Variants in ATP8A2 observed in about 807,000 individuals in gnomAD.
ATP8A2 encodes ATPase phospholipid transporting 8A2, also known as phospholipid-transporting ATPase IB.
ATP8A2 carries 100 observed loss-of-function variants against 165.6 expected under a neutral mutation model. The observed-to-expected ratio is 0.60, with a 90% CI of 0.51 to 0.71. ATP8A2 has a LOEUF of 0.71. Among genes scored for constraint, ATP8A2 ranks in the 30% least tolerant of loss-of-function variants. ATP8A2 has a pLI of 0.00. For missense variants in ATP8A2, 1,227 were observed against 1,479.5 expected, an observed-to-expected ratio of 0.83 and a Z score of 2.80; for synonymous variants, 543 against 548.8, an observed-to-expected ratio of 0.99 and a Z score of 0.15.
intron 28 of ATP8A2, 95 bp downstream of exon 28, chr13:25,828,287 A>G: frequency 9.6e-7 from 1 of 1,040,426 alleles, no homozygotes; most frequent in Non-Finnish European, 1.5e-6. Flanking sequence ...ATCTGAGTCA[A>G]TCATCTGTAT....
intron 33 of ATP8A2, among the ~76,000 whole-genome samples, chr13:25,866,263 C>T (rs540565306): frequency 6.6e-6 from 1 of 152,276 alleles, no homozygotes; most frequent in South Asian, 2.1e-4. Context: ...ATTGGCAAAT[C>T]ATTTTACTTG....
At chr13:25,830,262 C>G (rs1229071977) in intron 28 of ATP8A2, among the ~76,000 whole-genome samples, 1 of 152,022 alleles carries the variant, frequency 6.6e-6, no homozygotes, top group Non-Finnish European at 1.5e-5. Flanking sequence ...GTCCTCCCTC[C>G]TAGGCCTCCC....
chr13:25,738,340 T>TCC (rs55875449), intron 25 of ATP8A2, among the ~76,000 whole-genome samples: 82 of 99,264 alleles, frequency 8.3e-4, no homozygotes, highest in African/African-American at 1.9e-3. Flanking sequence ...TGTGCCCCCC[T>TCC]CCCCCCCCCC....
chr13:25,659,871 G>C (rs1210482823), intron 24 of ATP8A2, among the ~76,000 whole-genome samples: 1 of 152,118 alleles, frequency 6.6e-6, no homozygotes, highest in Non-Finnish European at 1.5e-5. Context: ...ATTTTTGGGA[G>C]AGTGACCTTC....
chr13:25,793,542 A>G lies in ATP8A2; in HGVS notation c.2679+18583A>G, dbSNP rs564136456. Among the ~76,000 whole-genome samples the G allele has an allele frequency of 5.5e-4, 84 of 152,306 alleles. 1 individual carries two copies. The highest frequency in any genetic ancestry group is 2.0e-3 in the African/African-American group (82 of 41,572). On this transcript the variant is annotated intron_variant, in intron 27 of 36. Transcript: ENST00000381655. ...TTGTGCAAATGTGTGTATGTGTATT[A>G]TACACACATGTATGTAGAAGTACAT...
At chr13:25,584,738 T>C (rs914547034) in intron 23 of ATP8A2, among the ~76,000 whole-genome samples, 4 of 152,202 alleles carry the variant, frequency 2.6e-5, no homozygotes, top group African/African-American at 7.2e-5. Flanking sequence ...TTGCAAAAAA[T>C]GCTTTCTGAA....
intron 25 of ATP8A2, among the ~76,000 whole-genome samples, chr13:25,762,072 G>A (rs1187878184): frequency 6.6e-6 from 1 of 151,834 alleles, no homozygotes; most frequent in African/African-American, 2.4e-5. Context: ...GACCAGGCTG[G>A]CCAACATGGC....
intron 24 of ATP8A2, among the ~76,000 whole-genome samples, chr13:25,591,526 C>T (rs1341765078): frequency 6.6e-6 from 1 of 151,886 alleles, no homozygotes; most frequent in Non-Finnish European, 1.5e-5. Context: ...CATTGCATGC[C>T]TATACTACAT....
rs144462762 is a variant in ATP8A2 at position 25,908,014 on chromosome 13, T to A, written c.3183+45606T>A. ...TTTTAAGACTTTGACTTATTTTAGA[T>A]ATTTTTTTCAGATAAAAGTTCGGTG... On this transcript the variant is annotated intron_variant, in intron 33 of 36. Coordinates refer to ENST00000381655, the MANE Select transcript of ATP8A2 (RefSeq NM_016529.6). Among the ~76,000 whole-genome samples the A allele has an allele frequency of 7.7e-3, 1,177 of 152,334 alleles. 16 individuals are homozygous for A. Among genetic ancestry groups the A allele is most frequent in the African/African-American group, 0.026 (1,089 of 41,560 alleles).
At chr13:25,498,198 C>T (rs926429561) in intron 2 of ATP8A2, among the ~76,000 whole-genome samples, 2 of 152,158 alleles carry the variant, frequency 1.3e-5, no homozygotes, top group African/African-American at 4.8e-5. Flanking sequence ...AACAGGTGCT[C>T]ATACTATGAA....
intron 2 of ATP8A2, among the ~76,000 whole-genome samples, chr13:25,493,067 CA>C (rs1192291706): frequency 6.6e-6 from 1 of 152,168 alleles, no homozygotes; most frequent in East Asian, 1.9e-4. Flanking sequence ...TCCAATTAGT[CA>C]GTTTGATAAT....
At chr13:25,692,895 T>C (rs879944293) in intron 24 of ATP8A2, among the ~76,000 whole-genome samples, 3 of 152,184 alleles carry the variant, frequency 2.0e-5, no homozygotes, top group Non-Finnish European at 4.4e-5. Flanking sequence ...TGTTTAATTG[T>C]GAAGGAAAAT....
rs2036366093 is a variant in ATP8A2 at position 25,486,766 on chromosome 13, A to G, written c.221+17645A>G. ...CTTCGCCTGAGCTCAGGAGTTTGAG[A>G]CCAGCGTGGGGCAACATGGTGAAAC... On this transcript the variant is annotated intron_variant, in intron 2 of 36. Transcript: ENST00000381655. Among the ~76,000 whole-genome samples the G allele has an allele frequency of 2.6e-5, 4 of 152,138 alleles. No homozygotes were observed. In the South Asian group the frequency reaches 8.3e-4, roughly 31 times the overall value.
chr13:25,425,161 CTGTG>C (rs1013127044), intron 1 of ATP8A2, among the ~76,000 whole-genome samples: 1 of 152,118 alleles, frequency 6.6e-6, no homozygotes, highest in African/African-American at 2.4e-5. Context: ...AATATATACT[CTGTG>C]TGTAAGTCTC....
intron 1 of ATP8A2, among the ~76,000 whole-genome samples, chr13:25,447,542 A>G (rs2035103046): frequency 1.3e-5 from 2 of 152,178 alleles, no homozygotes; most frequent in South Asian, 4.1e-4. Flanking sequence ...GCCTTTGGGC[A>G]CCAGTAGGAA....
chr13:25,995,172 C>A (rs192476284), intron 35 of ATP8A2, among the ~76,000 whole-genome samples: 414 of 151,684 alleles, frequency 2.7e-3, no homozygotes, highest in Non-Finnish European at 4.5e-3. Context: ...TGAGTAATAT[C>A]TCACTTAATT....
intron 25 of ATP8A2, among the ~76,000 whole-genome samples, chr13:25,752,450 T>C (rs2044172843): frequency 6.6e-6 from 1 of 151,654 alleles, no homozygotes; most frequent in South Asian, 2.1e-4. Context: ...AGAGTGAGAC[T>C]CTGAAAAAAA....
chr13:25,798,150 C>T (rs959533764), intron 27 of ATP8A2, among the ~76,000 whole-genome samples: 1 of 152,116 alleles, frequency 6.6e-6, no homozygotes, highest in African/African-American at 2.4e-5. Context: ...TGAGAATCTC[C>T]TGGTTACTAA....
chr13:25,685,303 G>A (rs2042577943), intron 24 of ATP8A2, among the ~76,000 whole-genome samples: 1 of 152,146 alleles, frequency 6.6e-6, no homozygotes, highest in East Asian at 1.9e-4. Context: ...TGGACTCCCT[G>A]TTTCCCATCT....
Sources: gnomAD v4.1 joint callset for allele counts (sites outside exome capture counted in the v4.1 genomes callset) on GRCh38, gnomAD v4.1.1 for gene constraint, MANE v1.5 for transcripts, NCBI Gene and HGNC (gene_info 2026-07-23, HGNC 2026-07-21) for gene names.